GNG2: variants seen among roughly 807,000 people sequenced by gnomAD.
GNG2 encodes the protein G protein subunit gamma 2.
In GNG2, 5 loss-of-function variants were observed where a neutral mutation model predicts 5.5. The observed-to-expected ratio is 0.91, with a 90% CI of 0.48 to 1.92. The LOEUF (loss-of-function observed/expected upper bound fraction) is 1.92. GNG2 is among the 30% of genes most tolerant of loss of function. The pLI, the probability that GNG2 is intolerant of heterozygous loss-of-function variation, is 0.01. For synonymous variants in GNG2, 28 were observed against 32.0 expected, an observed-to-expected ratio of 0.88 and a Z score of 0.42; for missense variants, 55 against 88.4, an observed-to-expected ratio of 0.62 and a Z score of 1.52.
Position 51,911,186 on chromosome 14 carries a change from C to T in GNG2, c.-30+33529C>T, listed in dbSNP as rs539553451. Among the ~76,000 whole-genome samples the T allele has an allele frequency of 2.0e-5, 3 of 152,278 alleles. No individual in the cohort carries two copies. The South Asian group carries it at 6.2e-4, about 32-fold the overall frequency. On this transcript the variant is annotated intron_variant, in intron 2 of 3. Transcript: ENST00000556766. ...CTTTGGCATGTGCAGCAATGCAAAA[C>T]AAAGTGTAAAGTGGCTTGGTGCCAT... is the stretch of plus-strand genomic sequence containing the variant.
At chr14:51,843,843 A>G (rs890729175) in intron 2 of GNG2, among the ~76,000 whole-genome samples, 4 of 152,086 alleles carry the variant, frequency 2.6e-5, no homozygotes, top group African/African-American at 9.7e-5. Flanking sequence ...TGGTCCCACT[A>G]TGCCAAGCTA....
intron 3 of GNG2, chr14:51,952,081 T>C (rs919755720): frequency 1.7e-6 from 1 of 598,498 alleles, no homozygotes. Context: ...ATAGCCAAGG[T>C]TGAGAACCAC....
intron 2 of GNG2, among the ~76,000 whole-genome samples, chr14:51,904,294 G>C (rs11851703): frequency 0.14 from 21,090 of 152,108 alleles, 2,900 homozygotes; most frequent in African/African-American, 0.36. Flanking sequence ...TCCAGTTCAG[G>C]GTCTGGCAGG....
chr14:51,964,215 C>T (rs1337910568), intron 3 of GNG2, among the ~76,000 whole-genome samples: 5 of 152,148 alleles, frequency 3.3e-5, no homozygotes, highest in Middle Eastern at 3.2e-3. Flanking sequence ...CAGCAACCAC[C>T]AGGCACTAGG....
intron 2 of GNG2, among the ~76,000 whole-genome samples, chr14:51,885,116 A>G (rs1223277419): frequency 6.6e-6 from 1 of 152,196 alleles, no homozygotes; most frequent in Non-Finnish European, 1.5e-5. Context: ...GAGCCAATAC[A>G]TTCCCATGTT....
intron 2 of GNG2, among the ~76,000 whole-genome samples, chr14:51,893,004 A>C (rs929783744): frequency 9.2e-5 from 14 of 152,206 alleles, no homozygotes; most frequent in Non-Finnish European, 2.1e-4. Flanking sequence ...GATTCATGTT[A>C]ATGATTATAT....
chr14:51,908,168 A>T (rs1031927496), intron 2 of GNG2, among the ~76,000 whole-genome samples: 1 of 152,234 alleles, frequency 6.6e-6, no homozygotes, highest in Non-Finnish European at 1.5e-5. Flanking sequence ...AAGCTCATTC[A>T]TATGGCTGTA....
intron 2 of GNG2, among the ~76,000 whole-genome samples, chr14:51,901,580 G>A (rs1042156067): frequency 1.3e-5 from 2 of 152,120 alleles, no homozygotes; most frequent in Admixed American, 6.6e-5. Flanking sequence ...ATGGGAGGAC[G>A]GCCAGCATAG....
chr14:51,951,793 G>GGCT, intron 3 of GNG2: 1 of 678,604 alleles, frequency 1.5e-6, no homozygotes, highest in Non-Finnish European at 2.7e-6. Context: ...TATTGTCTAT[G>GGCT]GCTGCTTTCA....
intron 3 of GNG2, among the ~76,000 whole-genome samples, chr14:51,953,914 A>G (rs1336088657): frequency 6.6e-6 from 1 of 152,172 alleles, no homozygotes; most frequent in Non-Finnish European, 1.5e-5. Flanking sequence ...GCTATAAAGG[A>G]TAGAAATGGC....
intron 2 of GNG2, among the ~76,000 whole-genome samples, chr14:51,903,522 T>A (rs1885696674): frequency 6.6e-6 from 1 of 152,194 alleles, no homozygotes; most frequent in South Asian, 2.1e-4. Flanking sequence ...ATGTTCAAAA[T>A]CTTGGGCAAG....
chr14:51,943,111 G>A (rs1294974802), intron 2 of GNG2, among the ~76,000 whole-genome samples: 1 of 152,132 alleles, frequency 6.6e-6, no homozygotes. Context: ...TGGTCCTCTG[G>A]CAGCCCCAAA....
upstream of GNG2, among the ~76,000 whole-genome samples, chr14:51,857,084 C>A (rs1882197957): frequency 6.6e-6 from 1 of 152,032 alleles, no homozygotes; most frequent in Non-Finnish European, 1.5e-5. Flanking sequence ...CTTAATGGAC[C>A]CAAATGCTAA....
At chr14:51,847,313 G>A (rs1282475329) in intron 2 of GNG2, 1 of 152,240 alleles carries the variant, frequency 6.6e-6, no homozygotes, top group Admixed American at 6.5e-5. Flanking sequence ...AGGGAAGTCT[G>A]TAAGCGGGAG....
chr14:51,928,544 C>A (rs1392124834), intron 2 of GNG2, among the ~76,000 whole-genome samples: 2 of 152,136 alleles, frequency 1.3e-5, no homozygotes, highest in Non-Finnish European at 2.9e-5. Flanking sequence ...CTTGTGTGTT[C>A]CACCCTACCA....
At chr14:51,898,650 A>G (rs1463227567) in intron 2 of GNG2, among the ~76,000 whole-genome samples, 1 of 152,224 alleles carries the variant, frequency 6.6e-6, no homozygotes, top group Non-Finnish European at 1.5e-5. Flanking sequence ...AAATGGTACA[A>G]TGTGCACTGA....
intron 2 of GNG2, among the ~76,000 whole-genome samples, chr14:51,919,910 C>T (rs756008117): frequency 6.6e-6 from 1 of 152,186 alleles, no homozygotes; most frequent in Non-Finnish European, 1.5e-5. Flanking sequence ...GATATGGCCC[C>T]TGTCATGGAG....
At chr14:51,900,562 G>T (rs1885480830) in intron 2 of GNG2, among the ~76,000 whole-genome samples, 1 of 148,658 alleles carries the variant, frequency 6.7e-6, no homozygotes, top group African/African-American at 2.5e-5. Context: ...ATGAACCTAG[G>T]ATCTAGTATG....
In GNG2 at chr14:51,942,589, C is replaced by CTTT. The variant is rs56883654; in HGVS notation, c.-29-8046_-29-8044dup. On this transcript the variant is annotated intron_variant, in intron 2 of 3. Coordinates refer to ENST00000556766, the MANE Select transcript of GNG2 (RefSeq NM_053064.5). Reference sequence around the variant, plus strand: ...ATTTTTTCTCTTTCTTTCTTTCTTTCTTTTTTTTTTTTTTTTTAGAGACAG... The same window carrying CTTT: ...ATTTTTTCTCTTTCTTTCTTTCTTTCTTTTTTTTTTTTTTTTTTTTAGAGACAG... 2.0e-3 allele frequency among the ~76,000 whole-genome samples: 165 copies of CTTT among 81,126 alleles called. 1 individual carries two copies. Among genetic ancestry groups the CTTT allele is most frequent in the African/African-American group, 6.9e-3 (117 of 16,898 alleles). 53.2% of individuals were successfully genotyped at this position (81,126 alleles called of 152,430 possible).
Sources: gnomAD v4.1 joint callset for allele counts (sites outside exome capture counted in the v4.1 genomes callset) on GRCh38, gnomAD v4.1.1 for gene constraint, MANE v1.5 for transcripts, NCBI Gene and HGNC (gene_info 2026-07-23, HGNC 2026-07-21) for gene names.